Variants in SETBP1 observed in about 807,000 individuals in gnomAD.
The protein encoded by SETBP1 is SET binding protein 1, also known as SET-binding protein.
SETBP1 carries 9 observed loss-of-function variants against 101.0 expected under a neutral mutation model. That is an observed-to-expected ratio of 0.09 (90% CI 0.05 to 0.16). The LOEUF (loss-of-function observed/expected upper bound fraction) is 0.16, where lower values mean the gene tolerates loss of function less well. Among genes scored for constraint, SETBP1 ranks in the 10% least tolerant of loss-of-function variants. The pLI, the probability that SETBP1 is intolerant of heterozygous loss-of-function variation, is 1.00. For synonymous variants in SETBP1, 818 were observed against 788.5 expected (o/e 1.04, Z -0.63); for missense variants, 1,858 against 2,033.8 (o/e 0.91, Z 1.66).
chr18:44,984,063 TG>T (rs1212692466), intron 4 of SETBP1, among the ~76,000 whole-genome samples: 1 of 152,022 alleles, frequency 6.6e-6, no homozygotes, highest in Non-Finnish European at 1.5e-5. Context: ...TAGCCGGGCG[TG>T]GTTGCATGAG....
intron 4 of SETBP1, among the ~76,000 whole-genome samples, chr18:45,010,766 G>T (rs376031683): frequency 1.3e-5 from 2 of 152,186 alleles, no homozygotes; most frequent in African/African-American, 4.8e-5. Context: ...AAATACTCAT[G>T]TTTTATTCAT....
chr18:44,987,012 C>G (rs1005836238), intron 4 of SETBP1: 1 of 151,958 alleles, frequency 6.6e-6, no homozygotes, highest in Non-Finnish European at 1.5e-5. Flanking sequence ...TATTATGTAC[C>G]GTACCTAGTC....
intron 3 of SETBP1, among the ~76,000 whole-genome samples, chr18:44,935,930 G>A (rs2070946601): frequency 6.6e-6 from 1 of 152,166 alleles, no homozygotes; most frequent in Non-Finnish European, 1.5e-5. Context: ...CCCCTTCATT[G>A]TAAGATACCA....
chr18:45,038,209 C>A (rs1320752743), intron 4 of SETBP1, among the ~76,000 whole-genome samples: 2 of 152,194 alleles, frequency 1.3e-5, no homozygotes, highest in Non-Finnish European at 2.9e-5. Flanking sequence ...GGCAAAGGGG[C>A]ACCTGATGGA....
intron 3 of SETBP1, among the ~76,000 whole-genome samples, chr18:44,926,866 T>C (rs1402465472): frequency 6.6e-6 from 1 of 152,032 alleles, no homozygotes; most frequent in Non-Finnish European, 1.5e-5. Flanking sequence ...TCCTTGGAGG[T>C]CGGTTCAAGA....
In SETBP1 at chr18:44,950,541, C is replaced by T. The variant is rs200966921; in HGVS notation, c.1201C>T (p.Arg401Trp). 1.6e-5 allele frequency: 26 copies of T among 1,614,028 alleles called. No homozygotes were observed. Among genetic ancestry groups the T allele is most frequent in the Middle Eastern group, 1.6e-4 (1 of 6,062 alleles). ...SNPENDSSHV[R>W]ITIPIKAPSL... ...TCCTGAAAATGACTCAAGTCATGTC[C>T]GGATTACTATCCCCATCAAGGCACC... The change falls in exon 4 of 6, where the codon CGG (arginine) becomes TGG (tryptophan). Residue 401 changes from arginine to tryptophan, a missense_variant. Physicochemically the swap from Arg to Trp is moderately radical, Grantham distance 101. This residue lies in a region of SETBP1 where 581 missense variants were observed against 535.1 expected (regional missense o/e 1.09). Transcript: ENST00000649279.
intron 3 of SETBP1, among the ~76,000 whole-genome samples, chr18:44,942,295 G>A (rs1030409237): frequency 6.6e-6 from 1 of 152,106 alleles, no homozygotes; most frequent in Non-Finnish European, 1.5e-5. Context: ...ATGACCTAAG[G>A]ACTCTATGTT....
intron 1 of SETBP1, among the ~76,000 whole-genome samples, chr18:44,687,064 G>A (rs552995053): frequency 6.6e-5 from 10 of 152,240 alleles, no homozygotes; most frequent in East Asian, 3.9e-4. Flanking sequence ...GTGCTTTTCC[G>A]CTCTTCAGTG....
chr18:44,959,594 C>A (rs2071566566), intron 4 of SETBP1, among the ~76,000 whole-genome samples: 2 of 152,138 alleles, frequency 1.3e-5, no homozygotes, highest in Admixed American at 6.5e-5. Context: ...AAGAAACCAG[C>A]AAGCAGCTCC....
At position 44,950,582 on chromosome 18, in the gene SETBP1, C is replaced by T. The variant is rs1450088213; in HGVS notation, c.1242C>T (p.Thr414=). The T allele has an allele frequency of 1.2e-6, 2 of 1,613,922 alleles. No individual in the cohort carries two copies. Among genetic ancestry groups the T allele is most frequent in the African/African-American group, 1.3e-5 (1 of 74,892 alleles). ...IPIKAPSLDP[T]NHKRKKRQSI... is the part of the protein sequence containing the mutation. ...TCAAGGCACCCTCTCTGGATCCAAC[C>T]AACCATAAGAGGAAAAAAAGACAGT... The change falls in exon 4 of 6, where the codon ACC becomes ACT. Residue 414 remains threonine, a synonymous_variant. Transcript: ENST00000649279.
intron 2 of SETBP1, among the ~76,000 whole-genome samples, chr18:44,739,084 C>G (rs1282027782): frequency 2.6e-5 from 4 of 152,114 alleles, no homozygotes; most frequent in Non-Finnish European, 4.4e-5. Flanking sequence ...TAACTCAAGT[C>G]GAATCATTTT....
intron 2 of SETBP1, among the ~76,000 whole-genome samples, chr18:44,788,623 T>C (rs1033791391): frequency 2.0e-5 from 3 of 152,132 alleles, no homozygotes; most frequent in Non-Finnish European, 4.4e-5. Context: ...TTGTTTATTC[T>C]GTTACAAACA....
intron 2 of SETBP1, among the ~76,000 whole-genome samples, chr18:44,808,962 C>G (rs1410406782): frequency 6.6e-6 from 1 of 152,162 alleles, no homozygotes; most frequent in Admixed American, 6.5e-5. Flanking sequence ...ACCAATGGTG[C>G]AGATTCCTTC....
chr18:44,868,683 AGAG>A (rs2069184511), intron 2 of SETBP1, among the ~76,000 whole-genome samples: 6 of 134,230 alleles, frequency 4.5e-5, no homozygotes, highest in Non-Finnish European at 9.7e-5. Flanking sequence ...AGAGAGAGAG[AGAG>A]AGAGAGAGAG....
chr18:45,063,449 C>G lies in SETBP1; in HGVS notation c.4542C>G (p.His1514Gln). 6.7e-7 allele frequency: 1 copy of G among 1,491,878 alleles called. No individual in the cohort carries two copies. Among genetic ancestry groups the G allele is most frequent in the East Asian group, 2.5e-5 (1 of 40,542 alleles). 92.4% of individuals were successfully genotyped at this position (1,491,878 alleles called of 1,614,324 possible). ...TIMATIEAVI[H>Q]MAREAPPLPP... Reference sequence around the variant, plus strand: ...TGGCCACCATCGAGGCGGTCATCCACATGGCCCGGGAGGCGCCGCCCCTGC... The same window carrying G: ...TGGCCACCATCGAGGCGGTCATCCAGATGGCCCGGGAGGCGCCGCCCCTGC... Residue 1514 changes from histidine (H) to glutamine (Q), a missense_variant, in exon 6 of 6, where the codon CAC (histidine) becomes CAG (glutamine). By Grantham distance (24) the His-to-Gln change is conservative. This residue lies in a region of SETBP1 where 178 missense variants were observed against 189.1 expected (regional missense o/e 0.94). Coordinates refer to ENST00000649279, the MANE Select transcript of SETBP1 (RefSeq NM_015559.3).
chr18:45,055,394 A>C (rs148942986), intron 5 of SETBP1, among the ~76,000 whole-genome samples: 222 of 152,318 alleles, frequency 1.5e-3, no homozygotes, highest in African/African-American at 5.1e-3. Flanking sequence ...ATAAACTTGA[A>C]ATACATTATA....
intron 2 of SETBP1, among the ~76,000 whole-genome samples, chr18:44,861,405 AT>A (rs202062728): frequency 2.3e-3 from 342 of 148,092 alleles, no homozygotes; most frequent in African/African-American, 7.3e-3. Context: ...TGCCCAGCTA[AT>A]TTTTTTTTTA....
intron 4 of SETBP1, among the ~76,000 whole-genome samples, chr18:45,005,409 T>C (rs545254045): frequency 1.3e-5 from 2 of 152,130 alleles, no homozygotes; most frequent in Non-Finnish European, 2.9e-5. Context: ...GACCATGGGG[T>C]CAACAGATTC....
intron 3 of SETBP1, among the ~76,000 whole-genome samples, chr18:44,879,995 G>A (rs2069493865): frequency 6.6e-6 from 1 of 152,178 alleles, no homozygotes; most frequent in African/African-American, 2.4e-5. Context: ...CTCAGGCCCA[G>A]TAATCCTCTC....
Sources: allele counts gnomAD v4.1 joint callset (sites outside exome capture counted in the v4.1 genomes callset), GRCh38; gene constraint gnomAD v4.1.1; regional missense constraint gnomAD v4.1.1; transcripts MANE v1.5; gene names NCBI Gene and HGNC (gene_info 2026-07-23, HGNC 2026-07-21).